MYO1B: variants seen among roughly 807,000 people sequenced by gnomAD.
MYO1B encodes the protein unconventional myosin-Ib.
MYO1B carries 72 observed loss-of-function variants against 159.7 expected under a neutral mutation model. The observed-to-expected ratio is 0.45, with a 90% CI of 0.37 to 0.55. MYO1B has a LOEUF of 0.55. Ranked by LOEUF, MYO1B falls within the 20% of genes least tolerant of loss-of-function variation. The pLI is 0.00. For missense variants in MYO1B, 1,062 were observed against 1,364.8 expected, an observed-to-expected ratio of 0.78 and a Z score of 3.50; for synonymous variants, 468 against 473.8, an observed-to-expected ratio of 0.99 and a Z score of 0.16.
chr2:191,289,730 T>A (rs1686027340), intron 2 of MYO1B, among the ~76,000 whole-genome samples: 1 of 152,224 alleles, frequency 6.6e-6, no homozygotes, highest in Non-Finnish European at 1.5e-5. Context: ...TTTTCTTACA[T>A]GTATTTTATG....
At position 191,304,299 on chromosome 2, in the gene MYO1B, G is replaced by A. The variant is rs533002894; in HGVS notation, c.251+8073G>A. ...AAAACAGCTTCTTTCAGCCGGGCAC[G>A]TTGGCTCACGCCTGTAATCGCAGCA... On this transcript the variant is annotated intron_variant, in intron 3 of 30. Coordinates refer to ENST00000392318, the MANE Select transcript of MYO1B (RefSeq NM_001130158.3). Among the ~76,000 whole-genome samples, 134 of 152,308 alleles carry A rather than the reference G, an allele frequency of 8.8e-4. 1 individual carries two copies. Among genetic ancestry groups the A allele is most frequent in the Non-Finnish European group, 1.5e-3 (99 of 68,028 alleles).
At chr2:191,257,270 A>G (rs1389675241) in intron 1 of MYO1B, among the ~76,000 whole-genome samples, 2 of 152,158 alleles carry the variant, frequency 1.3e-5, no homozygotes, top group Non-Finnish European at 2.9e-5. Flanking sequence ...AAATTAATGA[A>G]CTCTGGGGGT....
At chr2:191,265,200 T>TC (rs1301083414) in intron 1 of MYO1B, among the ~76,000 whole-genome samples, 1 of 151,972 alleles carries the variant, frequency 6.6e-6, no homozygotes, top group East Asian at 1.9e-4. Flanking sequence ...TTTTTTTTTT[T>TC]TTTTTTAAAG....
chr2:191,287,136 T>C (rs1688421360), intron 2 of MYO1B, among the ~76,000 whole-genome samples: 1 of 152,174 alleles, frequency 6.6e-6, no homozygotes, highest in Non-Finnish European at 1.5e-5. Flanking sequence ...TATGGAATGC[T>C]TGCTGTGGGT....
At chr2:191,251,298 C>T (rs999837052) in intron 1 of MYO1B, among the ~76,000 whole-genome samples, 1 of 152,180 alleles carries the variant, frequency 6.6e-6, no homozygotes. Flanking sequence ...TCCTGGAGCT[C>T]GCTCAGATCT....
chr2:191,275,886 T>C (rs1687722052), intron 1 of MYO1B, among the ~76,000 whole-genome samples: 1 of 152,242 alleles, frequency 6.6e-6, no homozygotes, highest in Non-Finnish European at 1.5e-5. Flanking sequence ...CACACACTCC[T>C]ATGCTCAGAA....
chr2:191,407,007 G>A (rs753689295), intron 24 of MYO1B, among the ~76,000 whole-genome samples: 11 of 152,200 alleles, frequency 7.2e-5, no homozygotes, highest in Non-Finnish European at 1.5e-4. Flanking sequence ...CAGAAGCAAA[G>A]GGACTCGTGT....
At chr2:191,337,744 T>G (rs993765513) in intron 4 of MYO1B, among the ~76,000 whole-genome samples, 3 of 152,334 alleles carry the variant, frequency 2.0e-5, no homozygotes, top group South Asian at 2.1e-4. Context: ...TTACATTTTG[T>G]CTATTTTAAA....
chr2:191,310,073 A>C (rs1365486787), intron 3 of MYO1B, among the ~76,000 whole-genome samples: 3 of 152,208 alleles, frequency 2.0e-5, no homozygotes, highest in Non-Finnish European at 1.5e-5. Flanking sequence ...TGTCCATTCT[A>C]GTTGTGGGTT....
chr2:191,397,201 AT>A (rs1224486032), intron 21 of MYO1B, among the ~76,000 whole-genome samples: 2 of 30,626 alleles, frequency 6.5e-5, no homozygotes, highest in African/African-American at 2.0e-4. Context: ...TATTTTATTT[AT>A]TTTTTTTTAA....
chr2:191,396,889 AC>A (rs1696111498), intron 21 of MYO1B, among the ~76,000 whole-genome samples: 1 of 152,024 alleles, frequency 6.6e-6, no homozygotes, highest in Non-Finnish European at 1.5e-5. Context: ...CTTGCAGGCT[AC>A]CCATCACGAT....
At chr2:191,405,867 AT>A (rs1696887059) in intron 24 of MYO1B, among the ~76,000 whole-genome samples, 1 of 152,268 alleles carries the variant, frequency 6.6e-6, no homozygotes, top group Non-Finnish European at 1.5e-5. Context: ...GTAAATGAGC[AT>A]TAGCTCCAAC....
At chr2:191,290,357 A>T (rs1396801744) in intron 2 of MYO1B, among the ~76,000 whole-genome samples, 1 of 152,222 alleles carries the variant, frequency 6.6e-6, no homozygotes, top group Non-Finnish European at 1.5e-5. Flanking sequence ...TCCAAGGAGA[A>T]GAGTCATTGC....
At chr2:191,265,820 G>T (rs1223936409) in intron 1 of MYO1B, among the ~76,000 whole-genome samples, 1 of 152,190 alleles carries the variant, frequency 6.6e-6, no homozygotes, top group Non-Finnish European at 1.5e-5. Context: ...CGTCCCTCAG[G>T]AATTTGTAGC....
chr2:191,402,813 G>A (rs1696694416), intron 24 of MYO1B, 95 bp downstream of exon 24: 1 of 895,360 alleles, frequency 1.1e-6, no homozygotes, highest in Non-Finnish European at 1.7e-6. Flanking sequence ...CTTGCTGATG[G>A]TCTGCACAGT....
chr2:191,375,511 A>AGATG (rs1553556430), intron 13 of MYO1B, among the ~76,000 whole-genome samples: 58 of 151,896 alleles, frequency 3.8e-4, no homozygotes, highest in African/African-American at 1.3e-3. Flanking sequence ...ATAGATAGAT[A>AGATG]GATGGATCCA....
intron 1 of MYO1B, among the ~76,000 whole-genome samples, chr2:191,251,395 A>G (rs1415658727): frequency 6.6e-6 from 1 of 152,246 alleles, no homozygotes; most frequent in Non-Finnish European, 1.5e-5. Context: ...CTCTTCCAAG[A>G]TAGGCAGTTT....
chr2:191,321,039 T>A (rs1690677704), intron 3 of MYO1B, among the ~76,000 whole-genome samples: 2 of 152,102 alleles, frequency 1.3e-5, no homozygotes, highest in Non-Finnish European at 2.9e-5. Context: ...TGTTTTACAT[T>A]TGACTCTTGT....
At chr2:191,265,653 C>T (rs1461900773) in intron 1 of MYO1B, among the ~76,000 whole-genome samples, 1 of 152,106 alleles carries the variant, frequency 6.6e-6, no homozygotes, top group Non-Finnish European at 1.5e-5. Context: ...TCCGGGGTCT[C>T]AGGTTTGCCA....
Sources: allele counts gnomAD v4.1 joint callset (sites outside exome capture counted in the v4.1 genomes callset), GRCh38; gene constraint gnomAD v4.1.1; transcripts MANE v1.5; gene names NCBI Gene and HGNC (gene_info 2026-07-23, HGNC 2026-07-21).